Variants in DMD observed in about 807,000 individuals in gnomAD.
DMD encodes mutant dystrophin.
DMD carries 63 observed loss-of-function variants against 330.1 expected under a neutral mutation model. That is an observed-to-expected ratio of 0.19 (90% CI 0.16 to 0.24). The LOEUF (loss-of-function observed/expected upper bound fraction) is 0.24. DMD is among the 10% of genes least tolerant of loss of function. The probability of loss-of-function intolerance (pLI) is 1.00; values close to 1 mark genes in which losing one functional copy is unlikely to be tolerated. For synonymous variants in DMD, 1,223 were observed against 959.8 expected (o/e 1.27, Z -5.07); for missense variants, 3,344 against 2,684.1 (o/e 1.25, Z -5.43).
chrX:31,445,903 C>T (rs1300751861), intron 59 of DMD, among the ~76,000 whole-genome samples: 1 of 112,213 alleles, frequency 8.9e-6, no homozygotes, highest in African/African-American at 3.2e-5. Context: ...GGGACAAATT[C>T]CCTCACTTAG....
intron 47 of DMD, among the ~76,000 whole-genome samples, chrX:31,880,455 T>TA (rs778658514): frequency 9.1e-6 from 1 of 110,371 alleles, no homozygotes; most frequent in African/African-American, 3.3e-5. Context: ...ATAAAGAACA[T>TA]AAAAAGAAAT....
chrX:32,525,924 T>C (rs896278300), intron 17 of DMD, among the ~76,000 whole-genome samples: 1 of 112,199 alleles, frequency 8.9e-6, no homozygotes, highest in Non-Finnish European at 1.9e-5. Flanking sequence ...ATTCTGTACA[T>C]GTATTTTTGC....
chrX:32,754,231 C>A (rs1287189973), intron 7 of DMD, among the ~76,000 whole-genome samples: 1 of 111,028 alleles, frequency 9.0e-6, no homozygotes, highest in Non-Finnish European at 1.9e-5. Context: ...TCAAAACAAT[C>A]TTATCAGATG....
intron 41 of DMD, among the ~76,000 whole-genome samples, chrX:32,315,261 G>A (rs113491285): frequency 8.1e-5 from 9 of 111,201 alleles, no homozygotes; most frequent in African/African-American, 2.6e-4. Flanking sequence ...ACTAGAAACC[G>A]TCATTCTCAG....
intron 1 of DMD, among the ~76,000 whole-genome samples, chrX:33,102,316 GTT>G (rs3083153): frequency 0.48 from 45,793 of 95,677 alleles, 8,232 homozygotes; most frequent in Non-Finnish European, 0.52. Context: ...GGTTTTTTTT[GTT>G]TTTTTTTTTT....
chrX:32,043,437 C>A lies in DMD; in HGVS notation c.6439-74923G>T. ...TTATACAAACTAACCATGCAAAGCT[C>A]AATTCAAAAAGGCACCTAGGAAGTG... On this transcript the variant is annotated intron_variant, in intron 44 of 78. Coordinates refer to ENST00000357033, the MANE Select transcript of DMD (RefSeq NM_004006.3). Among the ~76,000 whole-genome samples the A allele has an allele frequency of 2.7e-5, 3 of 111,925 alleles. 1 individual carries two copies. The Middle Eastern group carries it at 0.014, about 513-fold the overall frequency.
chrX:33,076,697 T>C (rs1569552850), intron 1 of DMD, among the ~76,000 whole-genome samples: 1 of 112,028 alleles, frequency 8.9e-6, no homozygotes, highest in Non-Finnish European at 1.9e-5. Flanking sequence ...TATTATAAAT[T>C]AGGCCATAGG....
At chrX:32,551,070 T>A (rs2049499991) in intron 16 of DMD, among the ~76,000 whole-genome samples, 1 of 111,166 alleles carries the variant, frequency 9.0e-6, no homozygotes, top group Non-Finnish European at 1.9e-5. Flanking sequence ...AAGGAAAAGC[T>A]GGTATCATTC....
chrX:31,256,019 G>A lies in DMD; in HGVS notation c.9286+4936C>T, dbSNP rs750856749. On this transcript the variant is annotated intron_variant, in intron 63 of 78. Coordinates refer to ENST00000357033, the MANE Select transcript of DMD (RefSeq NM_004006.3). ...CTTGATCTCCTGACTCAGGTGATCC[G>A]CCCACCTCGACCTCCCAAAGTGCTG... Among the ~76,000 whole-genome samples the A allele has an allele frequency of 1.5e-4, 16 of 109,739 alleles. No homozygotes were observed. In the South Asian group the frequency reaches 3.2e-3, roughly 22 times the overall value.
intron 1 of DMD, among the ~76,000 whole-genome samples, chrX:33,279,605 A>G (rs955000594): frequency 6.3e-5 from 7 of 111,275 alleles, no homozygotes; most frequent in Admixed American, 1.9e-4. Context: ...TCATATGCTA[A>G]GTCCATTTTT....
At chrX:32,417,868 A>G (rs934564232) in intron 29 of DMD, among the ~76,000 whole-genome samples, 9 of 110,107 alleles carry the variant, frequency 8.2e-5, no homozygotes, top group Admixed American at 4.9e-4. Flanking sequence ...AAAGCTACAA[A>G]TAGCTAGTTA....
intron 33 of DMD, among the ~76,000 whole-genome samples, chrX:32,383,186 A>G (rs1044044371): frequency 9.0e-6 from 1 of 110,824 alleles, no homozygotes; most frequent in African/African-American, 3.3e-5. Flanking sequence ...AGGTAAGACA[A>G]GAAGAAAGCT....
At chrX:32,166,559 G>C (rs1299999091) in intron 44 of DMD, among the ~76,000 whole-genome samples, 1 of 111,672 alleles carries the variant, frequency 9.0e-6, no homozygotes, top group Non-Finnish European at 1.9e-5. Context: ...ACTTCCATTT[G>C]AAATACCACA....
intron 2 of DMD, among the ~76,000 whole-genome samples, chrX:32,900,569 T>C (rs1181940414): frequency 3.6e-5 from 4 of 111,200 alleles, no homozygotes; most frequent in Non-Finnish European, 7.5e-5. Context: ...GGACTCAAAC[T>C]CCTGGACACA....
At chrX:32,342,730 T>A in intron 40 of DMD, 1 of 284,721 alleles carries the variant, frequency 3.5e-6, no homozygotes. Flanking sequence ...AAAAAACATA[T>A]TTAGACAATA....
intron 17 of DMD, among the ~76,000 whole-genome samples, chrX:32,524,966 G>A (rs1447319574): frequency 2.7e-5 from 3 of 111,880 alleles, no homozygotes; most frequent in African/African-American, 6.5e-5. Context: ...CATAAGCACA[G>A]AGGTTAATGT....
At chrX:32,787,213 A>AGTGTGTGTGT (rs72078806) in intron 7 of DMD, among the ~76,000 whole-genome samples, 133 of 83,348 alleles carry the variant, frequency 1.6e-3, no homozygotes, top group African/African-American at 4.4e-3. Context: ...CTCTCTGTCA[A>AGTGTGTGTGT]GTGTGTGTGT....
chrX:32,935,225 A>C (rs190948795), intron 2 of DMD, among the ~76,000 whole-genome samples: 41 of 112,600 alleles, frequency 3.6e-4, no homozygotes, highest in African/African-American at 1.2e-3. Context: ...TGATCCGCCC[A>C]TCTCGGCCTC....
At chrX:32,816,396 G>A in intron 6 of DMD, 72 bp downstream of exon 6, 2 of 1,124,153 alleles carry the variant, frequency 1.8e-6, no homozygotes, top group Non-Finnish European at 2.4e-6. Flanking sequence ...GAACCATACT[G>A]GGGAAAAATA....
Sources: gnomAD v4.1 joint callset for allele counts (sites outside exome capture counted in the v4.1 genomes callset) on GRCh38, gnomAD v4.1.1 for gene constraint, MANE v1.5 for transcripts, NCBI Gene and HGNC (gene_info 2026-07-23, HGNC 2026-07-21) for gene names.